The following RPS6KA3 variants were observed in gnomAD, a reference collection of about 807,000 sequenced individuals.
RPS6KA3 encodes ribosomal protein S6 kinase A3, also known as ribosomal protein S6 kinase alpha-3.
RPS6KA3 carries 4 observed loss-of-function variants against 67.2 expected under a neutral mutation model. The ratio of observed to expected loss-of-function variants is 0.06; its 90% CI spans 0.03 to 0.14. The LOEUF is 0.14. Ranked by LOEUF, RPS6KA3 falls within the 10% of genes least tolerant of loss-of-function variation. The pLI, the probability that RPS6KA3 is intolerant of heterozygous loss-of-function variation, is 1.00. For missense variants in RPS6KA3, 204 were observed against 559.0 expected (o/e 0.36, Z 6.40); for synonymous variants, 182 against 183.7 (o/e 0.99, Z 0.07).
intron 1 of RPS6KA3, among the ~76,000 whole-genome samples, chrX:20,257,428 T>C (rs1470345306): frequency 9.0e-6 from 1 of 111,730 alleles, no homozygotes; most frequent in Non-Finnish European, 1.9e-5. Flanking sequence ...AATTAAAGAG[T>C]TGTATTGATA....
intron 1 of RPS6KA3, among the ~76,000 whole-genome samples, chrX:20,255,789 CAAAAAAAAA>C (rs766544803): frequency 6.4e-4 from 11 of 17,151 alleles, no homozygotes; most frequent in East Asian, 1.9e-3. Context: ...AATTTCGTCT[CAAAAAAAAA>C]AAAAAAAAAA....
chrX:20,217,629 T>G (rs1019520246), intron 2 of RPS6KA3, among the ~76,000 whole-genome samples: 10 of 112,676 alleles, frequency 8.9e-5, no homozygotes, highest in Admixed American at 4.7e-4. Context: ...TTTCTAACTA[T>G]GGATGTGTAA....
At chrX:20,189,387 T>C (rs1250558629) in intron 7 of RPS6KA3, among the ~76,000 whole-genome samples, 1 of 112,249 alleles carries the variant, frequency 8.9e-6, no homozygotes, top group Non-Finnish European at 1.9e-5. Flanking sequence ...GGGCTTCTTG[T>C]CAAGGACAAG....
intron 2 of RPS6KA3, among the ~76,000 whole-genome samples, chrX:20,214,841 CT>C (rs753632500): frequency 0.011 from 1,035 of 90,224 alleles, 4 homozygotes; most frequent in Middle Eastern, 0.017. Flanking sequence ...TTCTTTTTTT[CT>C]TTTTTTTTTT....
intron 10 of RPS6KA3, among the ~76,000 whole-genome samples, chrX:20,185,941 T>C (rs1204903353): frequency 8.9e-6 from 1 of 112,149 alleles, no homozygotes; most frequent in Non-Finnish European, 1.9e-5. Context: ...GAAACATTTA[T>C]TTTATTTTAC....
intron 17 of RPS6KA3, 95 bp from the exon 18 acceptor site, chrX:20,165,155 G>C: frequency 1.6e-6 from 1 of 643,774 alleles, no homozygotes; most frequent in African/African-American, 2.1e-5. Flanking sequence ...CACTTAACAA[G>C]ATGATGAGTG....
chrX:20,232,305 T>G (rs2069287373), intron 2 of RPS6KA3, among the ~76,000 whole-genome samples: 1 of 112,703 alleles, frequency 8.9e-6, no homozygotes, highest in South Asian at 3.6e-4. Flanking sequence ...CCAGGCACAG[T>G]GGCTCTCGCC....
At chrX:20,162,051 G>C (rs1180205310) in intron 19 of RPS6KA3, among the ~76,000 whole-genome samples, 2 of 109,369 alleles carry the variant, frequency 1.8e-5, no homozygotes, top group Non-Finnish European at 3.8e-5. Flanking sequence ...TTAAGAAATA[G>C]TGTAGGCCAG....
At chrX:20,218,785 C>A in intron 2 of RPS6KA3, 1 of 1,095,054 alleles carries the variant, frequency 9.1e-7, no homozygotes, top group South Asian at 2.0e-5. Context: ...ATAAAAGAAG[C>A]TGAACAGAGC....
At chrX:20,247,647 CG>C (rs2069730120) in intron 1 of RPS6KA3, among the ~76,000 whole-genome samples, 1 of 109,822 alleles carries the variant, frequency 9.1e-6, no homozygotes, top group Admixed American at 9.6e-5. Context: ...ATTAGCCAGG[CG>C]TGGCAGTGGG....
intron 6 of RPS6KA3, 107 bp downstream of exon 6, chrX:20,194,082 C>A: frequency 1.9e-6 from 1 of 519,684 alleles, no homozygotes; most frequent in Non-Finnish European, 3.3e-6. Context: ...CTTCCAGAAT[C>A]TTGTGCCACT....
chrX:20,214,841 C>CTTTTTTTTT (rs753632500), intron 2 of RPS6KA3, among the ~76,000 whole-genome samples: 8 of 90,330 alleles, frequency 8.9e-5, no homozygotes, highest in African/African-American at 2.5e-4. Context: ...TTCTTTTTTT[C>CTTTTTTTTT]TTTTTTTTTT....
chrX:20,243,075 C>T lies in RPS6KA3; in HGVS notation c.70-8261G>A, dbSNP rs189267119. ...AAGTATAAAAAAAAAATAAAACAAG[C>T]GTTTATAACATTAATACCAAAAATA... On this transcript the variant is annotated intron_variant, in intron 1 of 21. Transcript: ENST00000379565. Among the ~76,000 whole-genome samples the T allele has an allele frequency of 5.2e-3, 579 of 111,244 alleles. 2 individuals carry two copies. The highest frequency in any genetic ancestry group is 0.019 in the Middle Eastern group (4 of 210).
At position 20,187,165 on chromosome X, in the gene RPS6KA3, C is replaced by T. The variant is rs915830736; in HGVS notation, c.774+663G>A. Among the ~76,000 whole-genome samples, 3 of 111,712 alleles carry T rather than the reference C, an allele frequency of 2.7e-5. No individual in the cohort carries two copies. The Admixed American group carries it at 2.9e-4, about 11-fold the overall frequency. On this transcript the variant is annotated intron_variant, in intron 9 of 21. Coordinates refer to ENST00000379565, the MANE Select transcript of RPS6KA3 (RefSeq NM_004586.3). ...CTCCTGACTTTAAGTGATCCACCTG[C>T]CTCGGCCTCCCAAAGTGCTGGGATT... is the stretch of plus-strand genomic sequence containing the variant.
At chrX:20,260,419 A>G (rs2070193020) in intron 1 of RPS6KA3, among the ~76,000 whole-genome samples, 1 of 111,905 alleles carries the variant, frequency 8.9e-6, no homozygotes, top group Non-Finnish European at 1.9e-5. Flanking sequence ...ATGTGAACAA[A>G]CTTTCCTTTC....
At chrX:20,206,082 C>T (rs1419073169) in intron 3 of RPS6KA3, among the ~76,000 whole-genome samples, 1 of 111,858 alleles carries the variant, frequency 8.9e-6, no homozygotes, top group East Asian at 2.8e-4. Context: ...TGCTGTTTAT[C>T]TGTTCCCTTT....
chrX:20,195,827 C>T (rs189398634), intron 4 of RPS6KA3, among the ~76,000 whole-genome samples: 50 of 112,018 alleles, frequency 4.5e-4, no homozygotes, highest in African/African-American at 1.4e-3. Flanking sequence ...AGTTACCTTT[C>T]GGCTACACAA....
Position 20,203,268 on chromosome X carries a change from T to C in RPS6KA3, c.325+754A>G, listed in dbSNP as rs745429357. The C allele has an allele frequency of 4.6e-5, 5 of 107,752 alleles. No homozygotes were observed. The South Asian group carries it at 2.0e-3, about 44-fold the overall frequency. The allele number at this position is 107,752 out of a possible 1,213,427, so 8.9% of individuals were successfully genotyped here. A position where few individuals can be genotyped will look rare whatever the true frequency, so the allele number is the denominator to read the frequency against. On this transcript the variant is annotated intron_variant, in intron 4 of 21. Coordinates refer to ENST00000379565, the MANE Select transcript of RPS6KA3 (RefSeq NM_004586.3). ...TCTATATTTCTTCTTAACTACTTTT[T>C]TTTTTTTTTTTGAGACGGAGTTTCA...
intron 18 of RPS6KA3, among the ~76,000 whole-genome samples, chrX:20,164,186 A>G (rs2067375726): frequency 9.1e-6 from 1 of 110,128 alleles, no homozygotes; most frequent in African/African-American, 3.3e-5. Flanking sequence ...TTATGTCTTA[A>G]ATGTTATAGG....
Sources: allele counts gnomAD v4.1 joint callset (sites outside exome capture counted in the v4.1 genomes callset), GRCh38; gene constraint gnomAD v4.1.1; transcripts MANE v1.5; gene names NCBI Gene and HGNC (gene_info 2026-07-23, HGNC 2026-07-21).